The following ARSB variants were observed in gnomAD, a reference collection of about 807,000 sequenced individuals.
The protein encoded by ARSB is N-acetylgalactosamine-4-sulfatase.
In ARSB, 41 loss-of-function variants were observed where a neutral mutation model predicts 50.9. That is an observed-to-expected ratio of 0.81 (90% confidence interval 0.63 to 1.04). ARSB has a LOEUF of 1.04. ARSB is among the 50% of genes least tolerant of loss of function. The pLI, the probability that ARSB is intolerant of heterozygous loss-of-function variation, is 0.00. For missense variants in ARSB, 672 were observed against 693.3 expected (o/e 0.97, Z 0.35); for synonymous variants, 269 against 284.8 (o/e 0.94, Z 0.56).
chr5:78,781,698 G>A (rs767902926), intron 7 of ARSB, among the ~76,000 whole-genome samples, 154 bp downstream of exon 7: 149 of 152,268 alleles, frequency 9.8e-4, no homozygotes, highest in Non-Finnish European at 1.3e-3. Flanking sequence ...GGTGGGAAAC[G>A]GTTAGAACAA....
intron 6 of ARSB, among the ~76,000 whole-genome samples, chr5:78,787,324 C>T (rs1313853789): frequency 6.6e-6 from 1 of 152,138 alleles, no homozygotes; most frequent in African/African-American, 2.4e-5. Context: ...ATCAGCAAGC[C>T]TGAGTCCTCC....
chr5:78,851,492 T>C (rs1260844051), intron 5 of ARSB, among the ~76,000 whole-genome samples: 7 of 152,106 alleles, frequency 4.6e-5, no homozygotes, highest in Non-Finnish European at 8.8e-5. Context: ...ATGTGGTCAA[T>C]TTTGGAATAG....
chr5:78,953,068 T>C (rs751884925), intron 4 of ARSB, among the ~76,000 whole-genome samples: 6 of 152,268 alleles, frequency 3.9e-5, no homozygotes, highest in Non-Finnish European at 5.9e-5. Context: ...GAAATATGTC[T>C]ACCTTTTTTT....
chr5:78,784,082 C>T (rs1445998565), intron 6 of ARSB, among the ~76,000 whole-genome samples: 1 of 152,154 alleles, frequency 6.6e-6, no homozygotes, highest in Non-Finnish European at 1.5e-5. Context: ...CCTGTCCTTT[C>T]ATTTACTCCT....
In ARSB at chr5:78,936,017, C is replaced by T. The variant is rs530374613; in HGVS notation, c.898+19278G>A. On this transcript the variant is annotated intron_variant, in intron 4 of 7. Transcript: ENST00000264914. ...TCCTTTCTTTTCTTTCTGTCTTTCT[C>T]TCTGTCTCTCCCCCCCCACCTCCCT... 2.6e-3 allele frequency among the ~76,000 whole-genome samples: 302 copies of T among 115,862 alleles called. 1 individual carries two copies. The highest frequency in any genetic ancestry group is 0.01 in the African/African-American group (283 of 27,384). 76.0% of individuals were successfully genotyped at this position (115,862 alleles called of 152,430 possible).
At chr5:78,861,924 A>T (rs957614385) in intron 5 of ARSB, among the ~76,000 whole-genome samples, 3 of 152,236 alleles carry the variant, frequency 2.0e-5, no homozygotes, top group Non-Finnish European at 2.9e-5. Flanking sequence ...GTGTCTCAAG[A>T]TACAAAATCA....
Position 78,785,685 on chromosome 5 carries a change from C to A in ARSB, c.1214-3711G>T, listed in dbSNP as rs533055011. ...GAAGTATAAAACAGGGTATGATAGG[C>A]AGGATAATGGTTCCTCAAAATGTCA... On this transcript the variant is annotated intron_variant, in intron 6 of 7. Coordinates refer to ENST00000264914, the MANE Select transcript of ARSB (RefSeq NM_000046.5). Among the ~76,000 whole-genome samples the A allele has an allele frequency of 5.9e-5, 9 of 152,286 alleles. No homozygotes were observed. In the South Asian group the frequency reaches 1.9e-3, roughly 32 times the overall value.
At chr5:78,841,176 A>AATAATAATAATAATAATAATG (rs1227408027) in intron 5 of ARSB, among the ~76,000 whole-genome samples, 238 of 149,992 alleles carry the variant, frequency 1.6e-3, no homozygotes, top group African/African-American at 5.6e-3. Flanking sequence ...TACTAATAAT[A>AATAATAATAATAATAATAATG]ATAATAATTT....
At chr5:78,829,990 T>C (rs552289675) in intron 6 of ARSB, among the ~76,000 whole-genome samples, 1 of 152,274 alleles carries the variant, frequency 6.6e-6, no homozygotes, top group East Asian at 1.9e-4. Context: ...TTACCAGACC[T>C]GGGGAGGCTC....
intron 4 of ARSB, among the ~76,000 whole-genome samples, chr5:78,892,210 T>C (rs993301417): frequency 6.6e-6 from 1 of 151,872 alleles, no homozygotes; most frequent in African/African-American, 2.4e-5. Context: ...GACCAAAGTA[T>C]TCTAAGCATA....
intron 5 of ARSB, chr5:78,883,509 T>G (rs1480421886): frequency 6.6e-6 from 1 of 152,240 alleles, no homozygotes; most frequent in African/African-American, 2.4e-5. Flanking sequence ...AAATAATGTT[T>G]AGAAATGGTG....
At chr5:78,970,582 T>C (rs980449019) in intron 1 of ARSB, among the ~76,000 whole-genome samples, 2 of 152,126 alleles carry the variant, frequency 1.3e-5, no homozygotes, top group African/African-American at 4.8e-5. Flanking sequence ...TGTCCAACAG[T>C]GATCATTGCC....
Position 78,803,693 on chromosome 5 carries a change from C to T in ARSB, c.1214-21719G>A, listed in dbSNP as rs113577460. Among the ~76,000 whole-genome samples the T allele has an allele frequency of 5.9e-3, 899 of 152,328 alleles. 11 individuals carry two copies. Among genetic ancestry groups the T allele is most frequent in the African/African-American group, 0.019 (806 of 41,574 alleles). Reference sequence around the variant, plus strand: ...TCCCTGCTCAGGCTGCTTTCCTAGTCGATCCAGCCCAGAGCCCTTGCAGAG... The same window carrying T: ...TCCCTGCTCAGGCTGCTTTCCTAGTTGATCCAGCCCAGAGCCCTTGCAGAG... On this transcript the variant is annotated intron_variant, in intron 6 of 7. Transcript: ENST00000264914.
At chr5:78,985,812 TCTAAATAGC>T (rs954305930), upstream of ARSB, 15 of 151,946 alleles carry the variant, frequency 9.9e-5, no homozygotes, top group African/African-American at 1.7e-4. Flanking sequence ...AAGGCAGAGG[TCTAAATAGC>T]CTTTCACATT....
intron 4 of ARSB, among the ~76,000 whole-genome samples, chr5:78,904,749 G>A (rs1207754927): frequency 1.4e-5 from 2 of 140,470 alleles, no homozygotes; most frequent in African/African-American, 5.4e-5. Context: ...ATGCAGTGGC[G>A]CTATCTCAGC....
intron 4 of ARSB, among the ~76,000 whole-genome samples, chr5:78,929,700 G>T (rs958339054): frequency 2.0e-5 from 3 of 151,158 alleles, no homozygotes; most frequent in Non-Finnish European, 2.9e-5. Flanking sequence ...GGCTGAGGCA[G>T]GAGAGTCACT....
intron 5 of ARSB, among the ~76,000 whole-genome samples, chr5:78,873,513 T>TTTTTTTTTTTTTA (rs1581076732): frequency 5.0e-5 from 7 of 138,836 alleles, no homozygotes; most frequent in African/African-American, 1.3e-4. Context: ...TTTTTTTTTT[T>TTTTTTTTTTTTTA]GAGACGGAGT....
At chr5:78,859,337 C>G (rs1175013464) in intron 5 of ARSB, among the ~76,000 whole-genome samples, 1 of 151,568 alleles carries the variant, frequency 6.6e-6, no homozygotes, top group Non-Finnish European at 1.5e-5. Flanking sequence ...TTTAAGTAGT[C>G]TAGAGAAAAA....
intron 3 of ARSB, among the ~76,000 whole-genome samples, chr5:78,956,484 G>C (rs1751733380): frequency 6.6e-6 from 1 of 151,898 alleles, no homozygotes; most frequent in South Asian, 2.1e-4. Flanking sequence ...CTATTGAACT[G>C]TATACTTTAA....
Sources: gnomAD v4.1 joint callset for allele counts (sites outside exome capture counted in the v4.1 genomes callset) on GRCh38, gnomAD v4.1.1 for gene constraint, MANE v1.5 for transcripts, NCBI Gene and HGNC (gene_info 2026-07-23, HGNC 2026-07-21) for gene names.